The following SCYL2 variants were observed in gnomAD, a reference collection of about 807,000 sequenced individuals.
The protein encoded by SCYL2 is SCY1 like pseudokinase 2.
SCYL2 carries 36 observed loss-of-function variants against 100.4 expected under a neutral mutation model. That is an observed-to-expected ratio of 0.36 (90% CI 0.27 to 0.47). The LOEUF (loss-of-function observed/expected upper bound fraction) is 0.47, where lower values mean the gene tolerates loss of function less well. Ranked by LOEUF, SCYL2 falls within the 20% of genes least tolerant of loss-of-function variation. The pLI is 1.00. For synonymous variants in SCYL2, 330 were observed against 359.2 expected (o/e 0.92, Z 0.92); for missense variants, 902 against 1,083.9 (o/e 0.83, Z 2.36).
chr12:100,308,642 A>AAAC (rs944881121), intron 4 of SCYL2, among the ~76,000 whole-genome samples: 1 of 152,232 alleles, frequency 6.6e-6, no homozygotes, highest in Non-Finnish European at 1.5e-5. Flanking sequence ...TGTAATAATT[A>AAAC]AACAACAACA....
At chr12:100,310,753 T>C (rs887159630) in intron 4 of SCYL2, among the ~76,000 whole-genome samples, 3 of 152,228 alleles carry the variant, frequency 2.0e-5, no homozygotes, top group Non-Finnish European at 4.4e-5. Context: ...CTGAATAAAT[T>C]TGGACATCAA....
intron 3 of SCYL2, among the ~76,000 whole-genome samples, chr12:100,294,577 C>T (rs930987483): frequency 2.1e-5 from 3 of 144,958 alleles, no homozygotes; most frequent in East Asian, 4.2e-4. Flanking sequence ...GGGGGCTGAC[C>T]CCCCACCTCC....
intron 10 of SCYL2, among the ~76,000 whole-genome samples, chr12:100,319,062 A>G (rs892440337): frequency 2.0e-5 from 3 of 152,260 alleles, no homozygotes; most frequent in Non-Finnish European, 2.9e-5. Context: ...AAACATTTTA[A>G]TAAAATAGGA....
At chr12:100,282,899 A>T in intron 1 of SCYL2, 44 bp from the exon 2 acceptor site, 3 of 899,614 alleles carry the variant, frequency 3.3e-6, no homozygotes, top group Non-Finnish European at 3.3e-6. Context: ...ATGCTTATAT[A>T]GATAAGAAAT....
chr12:100,307,770 T>G (rs953764868), intron 4 of SCYL2, among the ~76,000 whole-genome samples: 2 of 152,102 alleles, frequency 1.3e-5, no homozygotes, highest in Non-Finnish European at 2.9e-5. Flanking sequence ...ATATCCAGAA[T>G]CTACAAGGAA....
At chr12:100,324,195 T>G in intron 11 of SCYL2, among the ~76,000 whole-genome samples, 1 of 152,172 alleles carries the variant, frequency 6.6e-6, no homozygotes, top group Non-Finnish European at 1.5e-5. Flanking sequence ...CAGTTACTTG[T>G]TAGTCAAGGA....
In SCYL2 at chr12:100,339,081, C is replaced by T. The variant is rs1952320180; in HGVS notation, c.2699C>T (p.Pro900Leu). The T allele has an allele frequency of 6.2e-7, 1 of 1,613,912 alleles. No individual in the cohort carries two copies. Among genetic ancestry groups the T allele is most frequent in the African/African-American group, 1.3e-5 (1 of 74,890 alleles). ...TCTGCTTTTGGTATGCAGGGTAATC[C>T]TTTCTTTAACCCACAGAACTTTGCA... ...GQSAFGMQGNPFFNPQNFAQP... is the reference protein window; with the variant it reads ...GQSAFGMQGNLFFNPQNFAQP... The change falls in exon 18 of 18, where the codon CCT becomes CTT. Residue 900 changes from proline (P) to leucine (L), a missense_variant. By Grantham distance (98) the Pro-to-Leu change is moderately conservative (BLOSUM62 -3). Coordinates refer to ENST00000360820, the MANE Select transcript of SCYL2 (RefSeq NM_017988.6).
chr12:100,277,535 G>A (rs1161529274), intron 1 of SCYL2, among the ~76,000 whole-genome samples: 1 of 152,084 alleles, frequency 6.6e-6, no homozygotes, highest in East Asian at 1.9e-4. Flanking sequence ...AGCTTATTCT[G>A]TTATTAATAT....
chr12:100,306,623 C>T (rs945017426), intron 4 of SCYL2, among the ~76,000 whole-genome samples: 1 of 152,148 alleles, frequency 6.6e-6, no homozygotes, highest in Non-Finnish European at 1.5e-5. Flanking sequence ...TCCTATTCAA[C>T]ATTGTATTGG....
intron 12 of SCYL2, among the ~76,000 whole-genome samples, chr12:100,327,762 C>A (rs185661502): frequency 3.3e-5 from 5 of 152,212 alleles, no homozygotes; most frequent in African/African-American, 1.2e-4. Context: ...GATCCACCTG[C>A]CTCGGCCTCC....
intron 7 of SCYL2, 32 bp from the exon 8 acceptor site, chr12:100,314,457 T>C (rs1457366054): frequency 6.7e-7 from 1 of 1,498,624 alleles, no homozygotes; most frequent in Non-Finnish European, 9.2e-7. Flanking sequence ...AATTTAACAT[T>C]TATCAAAATA....
chr12:100,298,298 G>C (rs984780195), intron 4 of SCYL2, 123 bp downstream of exon 4: 7 of 669,330 alleles, frequency 1.0e-5, no homozygotes, highest in Non-Finnish European at 1.6e-5. Context: ...TAGTAATTTA[G>C]TCATTATTCC....
rs771878741 is a variant in SCYL2, at chr12:100,341,030, CAGAA to C, written c.*1865_*1868del. 6.6e-6 allele frequency: 1 copy of C among 151,636 alleles called. No individual in the cohort carries two copies. The highest frequency in any genetic ancestry group is 2.1e-4 in the South Asian group (1 of 4,822). 9.4% of individuals were successfully genotyped at this position (151,636 alleles called of 1,614,324 possible). Reference sequence around the variant, plus strand: ...ATGATGTTAGTGTTGAACTCTTAAACAGAAAGAAAGCTTAATATAACAGCTTATA... The same window carrying C: ...ATGATGTTAGTGTTGAACTCTTAAACAGAAAGCTTAATATAACAGCTTATA... On this transcript the variant is annotated 3_prime_UTR_variant, in exon 18 of 18. Transcript: ENST00000360820.
chr12:100,300,511 C>G (rs1235864359), intron 4 of SCYL2, among the ~76,000 whole-genome samples: 1 of 152,010 alleles, frequency 6.6e-6, no homozygotes, highest in Non-Finnish European at 1.5e-5. Context: ...ACTCCTTTAG[C>G]TATTTTTAAA....
In SCYL2 at chr12:100,327,898, G is replaced by A. The variant is rs1007005323; in HGVS notation, c.1642+1144G>A. On this transcript the variant is annotated intron_variant, in intron 12 of 17. Coordinates refer to ENST00000360820, the MANE Select transcript of SCYL2 (RefSeq NM_017988.6). Reference sequence around the variant, plus strand: ...GAAACTGCTCAGTAAATATTTGTGGGAATGGTTAGCAAGTATTTATTGTGG... The same window carrying A: ...GAAACTGCTCAGTAAATATTTGTGGAAATGGTTAGCAAGTATTTATTGTGG... Among the ~76,000 whole-genome samples, 183 of 152,138 alleles carry A rather than the reference G, an allele frequency of 1.2e-3. 3 individuals carry two copies. Among genetic ancestry groups the A allele is most frequent in the Admixed American group, 1.6e-3 (25 of 15,262 alleles).
chr12:100,297,238 C>G (rs2096321941), intron 3 of SCYL2, among the ~76,000 whole-genome samples: 1 of 152,114 alleles, frequency 6.6e-6, no homozygotes, highest in Admixed American at 6.5e-5. Flanking sequence ...TTTATACTAA[C>G]CCTTCAAGGT....
chr12:100,285,694 T>A (rs1264995487), intron 2 of SCYL2, among the ~76,000 whole-genome samples: 3 of 152,210 alleles, frequency 2.0e-5, no homozygotes, highest in African/African-American at 7.2e-5. Context: ...ATAGAATTTA[T>A]ACCATTATAT....
In SCYL2 at chr12:100,341,385, T is replaced by A. The variant is rs1952350966; in HGVS notation, c.*2213T>A. 6.6e-6 allele frequency: 1 copy of A among 152,178 alleles called. No homozygotes were observed. Among genetic ancestry groups the A allele is most frequent in the Non-Finnish European group, 1.5e-5 (1 of 67,998 alleles). 9.4% of individuals were successfully genotyped at this position (152,178 alleles called of 1,614,324 possible). A position where few individuals can be genotyped will look rare whatever the true frequency, so the allele number is the denominator to read the frequency against. ...CGTTATGTTTAGAGTAGAAAATGTT[T>A]AGGTTAAAGAGCATCTGTCAACAGA... On this transcript the variant is annotated 3_prime_UTR_variant, in exon 18 of 18. Transcript: ENST00000360820.
chr12:100,292,023 G>C (rs2096311263), intron 3 of SCYL2: 1 of 167,268 alleles, frequency 6.0e-6, no homozygotes, highest in African/African-American at 2.4e-5. Flanking sequence ...ACAGTATTTG[G>C]AGGCCAATTT....
Sources: gnomAD v4.1 joint callset for allele counts (sites outside exome capture counted in the v4.1 genomes callset) on GRCh38, gnomAD v4.1.1 for gene constraint, MANE v1.5 for transcripts, NCBI Gene and HGNC (gene_info 2026-07-23, HGNC 2026-07-21) for gene names.